CFAP43: variants seen among roughly 807,000 people sequenced by gnomAD.
CFAP43 encodes cilia and flagella associated protein 43, also known as cilia- and flagella-associated protein 43.
Under a neutral mutation model 218.9 loss-of-function variants are expected in CFAP43, and 155 were observed. The ratio of observed to expected loss-of-function variants is 0.71; its 90% CI spans 0.62 to 0.81. CFAP43 has a LOEUF of 0.81. Ranked by LOEUF, CFAP43 falls within the 30% of genes least tolerant of loss-of-function variation. The probability of loss-of-function intolerance (pLI) is 0.00; values close to 1 mark genes in which losing one functional copy is unlikely to be tolerated. For missense variants in CFAP43, 1,778 were observed against 1,954.3 expected, an observed-to-expected ratio of 0.91 and a Z score of 1.70; for synonymous variants, 645 against 681.3, an observed-to-expected ratio of 0.95 and a Z score of 0.83.
At chr10:104,160,230 T>C (rs1217846419) in intron 27 of CFAP43, among the ~76,000 whole-genome samples, 1 of 152,224 alleles carries the variant, frequency 6.6e-6, no homozygotes, top group Non-Finnish European at 1.5e-5. Context: ...CTATACTCCA[T>C]AACTCTTTGA....
intron 19 of CFAP43, among the ~76,000 whole-genome samples, chr10:104,176,699 C>T (rs2089642135): frequency 6.6e-6 from 1 of 152,158 alleles, no homozygotes; most frequent in Admixed American, 6.5e-5. Flanking sequence ...TCAAGCAAGG[C>T]AATCTTCGAA....
chr10:104,188,425 A>T lies in CFAP43; in HGVS notation c.1547-15T>A. ...TTTGGCCACCTCTGAAAGCAAACAG[A>T]GATCAACACCACAAGTGGTCATTGA... On this transcript the variant is annotated splice_polypyrimidine_tract_variant and intron_variant, in intron 12 of 37. Coordinates refer to ENST00000357060, the MANE Select transcript of CFAP43 (RefSeq NM_025145.7). 1 of 1,612,258 alleles carries T rather than the reference A, an allele frequency of 6.2e-7. No individual in the cohort carries two copies.
At chr10:104,148,742 T>C (rs964650848) in intron 28 of CFAP43, among the ~76,000 whole-genome samples, 5 of 152,206 alleles carry the variant, frequency 3.3e-5, no homozygotes, top group African/African-American at 1.2e-4. Context: ...ATCTTGAACC[T>C]TCTAGACAGC....
chr10:104,130,510 G>A (rs2087129126), intron 37 of CFAP43, among the ~76,000 whole-genome samples: 1 of 152,018 alleles, frequency 6.6e-6, no homozygotes, highest in South Asian at 2.1e-4. Flanking sequence ...AGAAAATGTG[G>A]TACATATACA....
chr10:104,221,019 AG>A (rs1191729046), intron 3 of CFAP43, among the ~76,000 whole-genome samples: 92 of 151,040 alleles, frequency 6.1e-4, no homozygotes, highest in African/African-American at 2.2e-3. Flanking sequence ...TCTGTCACCC[AG>A]GCTGGAGTGC....
intron 17 of CFAP43, among the ~76,000 whole-genome samples, chr10:104,181,578 T>C (rs1199612549): frequency 6.6e-6 from 1 of 152,212 alleles, no homozygotes; most frequent in Non-Finnish European, 1.5e-5. Flanking sequence ...CTTCGTTACC[T>C]GGTCTCCTCC....
At chr10:104,161,627 C>T (rs765543625) in intron 26 of CFAP43, among the ~76,000 whole-genome samples, 8 of 152,026 alleles carry the variant, frequency 5.3e-5, no homozygotes, top group South Asian at 2.1e-4. Context: ...ATCTGTCTAA[C>T]GTGGTATGTT....
Position 104,182,485 on chromosome 10 carries a change from T to C in CFAP43, c.2170A>G (p.Ile724Val), listed in dbSNP as rs775488403. Residue 724 changes from isoleucine to valine, a missense_variant, in exon 17 of 38, where the codon ATT becomes GTT. Around this residue, in one of 3 missense-constraint regions of CFAP43, gnomAD observed 1,553 missense variants for 1,685.2 expected, o/e 0.92. Coordinates refer to ENST00000357060, the MANE Select transcript of CFAP43 (RefSeq NM_025145.7). Reference sequence around the variant, plus strand: ...AATAGTTTCTGGTAATAGTCCAGAATTTCACTGGCTAGGTGTCCTCCAAAT... The same window carrying C: ...AATAGTTTCTGGTAATAGTCCAGAACTTCACTGGCTAGGTGTCCTCCAAAT... ...KRFGGHLASE[I>V]LDYYQKLLIS... 1.2e-6 allele frequency: 2 copies of C among 1,611,250 alleles called. No homozygotes were observed. Among genetic ancestry groups the C allele is most frequent in the South Asian group, 1.1e-5 (1 of 90,186 alleles).
At chr10:104,225,336 G>T in intron 3 of CFAP43, 125 bp downstream of exon 3, 2 of 798,760 alleles carry the variant, frequency 2.5e-6, no homozygotes, top group Non-Finnish European at 3.8e-6. Flanking sequence ...ACTTGTGATT[G>T]GCATTTTTTC....
chr10:104,165,241 T>C (rs1269208925), intron 23 of CFAP43, among the ~76,000 whole-genome samples: 3 of 152,242 alleles, frequency 2.0e-5, no homozygotes, highest in Admixed American at 2.0e-4. Context: ...GTGGCCTTTA[T>C]GTTGCCATAG....
intron 27 of CFAP43, among the ~76,000 whole-genome samples, chr10:104,160,466 C>T (rs2088811429): frequency 6.6e-6 from 1 of 152,196 alleles, no homozygotes; most frequent in African/African-American, 2.4e-5. Flanking sequence ...ATATTATTTA[C>T]TTGACTGCAC....
intron 27 of CFAP43, among the ~76,000 whole-genome samples, chr10:104,153,082 A>T (rs969318907): frequency 7.2e-5 from 11 of 152,234 alleles, no homozygotes; most frequent in East Asian, 1.9e-4. Context: ...GCCCTAAAAA[A>T]TTTTTTATTT....
intron 8 of CFAP43, among the ~76,000 whole-genome samples, chr10:104,203,188 G>A (rs777006617): frequency 8.5e-5 from 13 of 152,178 alleles, no homozygotes; most frequent in Non-Finnish European, 1.6e-4. Flanking sequence ...TGGCCAATCA[G>A]AGTTTAGGAT....
At chr10:104,200,223 C>G (rs1469344366) in intron 8 of CFAP43, among the ~76,000 whole-genome samples, 2 of 152,150 alleles carry the variant, frequency 1.3e-5, no homozygotes, top group African/African-American at 4.8e-5. Context: ...CTCTGGAAAG[C>G]TTTGTAATAT....
chr10:104,150,316 T>C (rs1340471744), intron 28 of CFAP43, among the ~76,000 whole-genome samples: 1 of 152,138 alleles, frequency 6.6e-6, no homozygotes, highest in Non-Finnish European at 1.5e-5. Context: ...AGGCCAGTGA[T>C]TACATTCTTC....
chr10:104,224,104 C>T (rs2091249661), intron 3 of CFAP43, among the ~76,000 whole-genome samples: 1 of 152,118 alleles, frequency 6.6e-6, no homozygotes, highest in South Asian at 2.1e-4. Flanking sequence ...AGTGCAGTGG[C>T]GCAATCTCAG....
chr10:104,186,205 G>T, intron 14 of CFAP43, 82 bp from the exon 15 acceptor site: 1 of 1,126,152 alleles, frequency 8.9e-7, no homozygotes, highest in Non-Finnish European at 1.2e-6. Flanking sequence ...CATGCCTGTT[G>T]TATATTGTCA....
intron 12 of CFAP43, among the ~76,000 whole-genome samples, chr10:104,191,797 G>C (rs549121395): frequency 2.2e-5 from 3 of 138,436 alleles, no homozygotes; most frequent in Non-Finnish European, 3.1e-5. Context: ...TGTGGGGGGG[G>C]GGAAACACAT....
rs753113887 is a variant in CFAP43, at chr10:104,185,037, G to T, written c.2120C>A (p.Thr707Asn). The change falls in exon 16 of 38, where the codon ACC becomes AAC. Residue 707 changes from threonine to asparagine, a missense_variant. Around this residue, in one of 3 missense-constraint regions of CFAP43, gnomAD observed 1,553 missense variants for 1,685.2 expected, o/e 0.92. Coordinates refer to ENST00000357060, the MANE Select transcript of CFAP43 (RefSeq NM_025145.7). ...NILVNGRDDGTLVYLKWKRFG... is the reference protein window; with the variant it reads ...NILVNGRDDGNLVYLKWKRFG... ...GTACTTCCACTTTAGGTAGACAAGG[G>T]TGCCATCATCTCTCCCATTCACCAG... 1.9e-6 allele frequency: 3 copies of T among 1,613,930 alleles called. No homozygotes were observed. The highest frequency in any genetic ancestry group is 1.1e-5 in the South Asian group (1 of 91,074).
Sources: gnomAD v4.1 joint callset for allele counts (sites outside exome capture counted in the v4.1 genomes callset) on GRCh38, gnomAD v4.1.1 for gene constraint, gnomAD v4.1.1 regional missense constraint, MANE v1.5 for transcripts, NCBI Gene and HGNC (gene_info 2026-07-23, HGNC 2026-07-21) for gene names.